The following IL21R variants were observed in gnomAD, a reference collection of about 807,000 sequenced individuals.
IL21R encodes interleukin 21 receptor, also known as interleukin-21 receptor.
In IL21R, 14 loss-of-function variants were observed where a neutral mutation model predicts 41.3. The ratio of observed to expected loss-of-function variants is 0.34; its 90% CI spans 0.22 to 0.53. The LOEUF is 0.53. IL21R is among the 20% of genes least tolerant of loss of function. The pLI, the probability that IL21R is intolerant of heterozygous loss-of-function variation, is 0.94. For synonymous variants in IL21R, 286 were observed against 287.6 expected, an observed-to-expected ratio of 0.99 and a Z score of 0.05; for missense variants, 588 against 681.6, an observed-to-expected ratio of 0.86 and a Z score of 1.53.
intron 1 of IL21R, among the ~76,000 whole-genome samples, chr16:27,427,769 G>A (rs1385435263): frequency 6.6e-6 from 1 of 152,056 alleles, no homozygotes; most frequent in East Asian, 1.9e-4. Context: ...TAGTGAGGGG[G>A]CAGACACAGA....
chr16:27,414,835 A>G (rs1362988690), intron 1 of IL21R, among the ~76,000 whole-genome samples: 2 of 152,240 alleles, frequency 1.3e-5, no homozygotes, highest in South Asian at 2.1e-4. Context: ...TGAAAAAACT[A>G]TGCATAAAGT....
chr16:27,424,812 G>A lies in IL21R; in HGVS notation c.-16-5244G>A, dbSNP rs115674035. 3.8e-3 allele frequency among the ~76,000 whole-genome samples: 583 copies of A among 152,262 alleles called. 5 individuals are homozygous for A. Among genetic ancestry groups the A allele is most frequent in the African/African-American group, 0.012 (509 of 41,562 alleles). On this transcript the variant is annotated intron_variant, in intron 1 of 8. Transcript: ENST00000337929. The stretch of plus-strand genomic sequence containing the variant: ...GACTGGGTAATTTATAAAGAAAAGA[G>A]GTTTAATTGGCTCATGGTTCTGCAG...
At chr16:27,406,159 G>A (rs753201053) in intron 1 of IL21R, among the ~76,000 whole-genome samples, 5 of 152,260 alleles carry the variant, frequency 3.3e-5, no homozygotes, top group African/African-American at 4.8e-5. Flanking sequence ...GGGCCAGGGC[G>A]GGCTGATGGG....
At chr16:27,437,393 G>A (rs2087289456) in intron 3 of IL21R, 95 bp from the exon 4 acceptor site, 5 of 997,412 alleles carry the variant, frequency 5.0e-6, no homozygotes, top group Non-Finnish European at 7.8e-6. Flanking sequence ...CCAGCCCTGA[G>A]AGTCTGGGCT....
intron 1 of IL21R, among the ~76,000 whole-genome samples, chr16:27,419,434 T>C (rs1230015936): frequency 6.6e-6 from 1 of 152,156 alleles, no homozygotes; most frequent in Non-Finnish European, 1.5e-5. Flanking sequence ...CAAGTTAACA[T>C]TTTTTGTTTG....
chr16:27,420,129 A>T (rs765245093), intron 1 of IL21R, among the ~76,000 whole-genome samples: 2 of 152,024 alleles, frequency 1.3e-5, no homozygotes, highest in Non-Finnish European at 2.9e-5. Flanking sequence ...ACCTCAAATG[A>T]TCTGCCTGCC....
chr16:27,404,494 G>A (rs943446112), intron 1 of IL21R, among the ~76,000 whole-genome samples: 1 of 152,176 alleles, frequency 6.6e-6, no homozygotes, highest in African/African-American at 2.4e-5. Context: ...GAAGTTCTGG[G>A]AGGAACCCAC....
In IL21R at chr16:27,435,955, TA is replaced by T. The variant is rs1248625938; in HGVS notation, c.152+1507del. Reference sequence around the variant, plus strand: ...GCCTGGCTAATTTTTGTATTTTAAGTAGAGACAGGGTTTTGTCATGTTAGCC... The same window carrying T: ...GCCTGGCTAATTTTTGTATTTTAAGTGAGACAGGGTTTTGTCATGTTAGCC... On this transcript the variant is annotated intron_variant, in intron 3 of 8. Coordinates refer to ENST00000337929, the MANE Select transcript of IL21R (RefSeq NM_181078.3). 3.3e-5 allele frequency among the ~76,000 whole-genome samples: 5 copies of T among 152,148 alleles called. No individual in the cohort carries two copies. In the East Asian group the frequency reaches 9.6e-4, roughly 29 times the overall value.
In IL21R at chr16:27,450,982, C is replaced by T; in HGVS notation, c.*1699C>T. The T allele has an allele frequency of 4.3e-6, 1 of 231,252 alleles. No individual in the cohort carries two copies. The highest frequency in any genetic ancestry group is 8.5e-6 in the Non-Finnish European group (1 of 118,252). 14.3% of individuals were successfully genotyped at this position (231,252 alleles called of 1,614,324 possible). Reference sequence around the variant, plus strand: ...GGTAGCTGAGAGAATGCATGAGAGTCCTCGGTGCCTGGCAGGAGGCTGGAA... The same window carrying T: ...GGTAGCTGAGAGAATGCATGAGAGTTCTCGGTGCCTGGCAGGAGGCTGGAA... On this transcript the variant is annotated 3_prime_UTR_variant, in exon 9 of 9. Transcript: ENST00000337929.
At chr16:27,421,087 T>A (rs2086992305) in intron 1 of IL21R, among the ~76,000 whole-genome samples, 1 of 152,136 alleles carries the variant, frequency 6.6e-6, no homozygotes, top group African/African-American at 2.4e-5. Flanking sequence ...ATTGAATTGT[T>A]TTGGCACCCT....
At chr16:27,440,248 TAG>T (rs1217071764) in intron 4 of IL21R, among the ~76,000 whole-genome samples, 3,699 of 63,866 alleles carry the variant, frequency 0.058, 84 homozygotes, top group Middle Eastern at 0.094. Context: ...TATATATATA[TAG>T]AGAGAGAGAG....
At position 27,434,442 on chromosome 16, in the gene IL21R, C is replaced by G; in HGVS notation, c.145C>G (p.Leu49Val). The change falls in exon 3 of 9, where the codon CTT becomes GTT. Residue 49 changes from leucine to valine, a missense_variant. Transcript: ENST00000337929. ...GAACCTCCACCCCAGCACGCTCACC[C>G]TTACCTGGTAAGTAGCCGGGCCTCA... ...MWNLHPSTLT[L>V]TWQDQYEELK... 2 of 1,609,848 alleles carry G rather than the reference C, an allele frequency of 1.2e-6. No homozygotes were observed. The highest frequency in any genetic ancestry group is 1.7e-6 in the Non-Finnish European group (2 of 1,176,334).
intron 1 of IL21R, among the ~76,000 whole-genome samples, chr16:27,417,139 TCC>T: frequency 6.6e-6 from 1 of 150,752 alleles, no homozygotes; most frequent in East Asian, 2.0e-4. Flanking sequence ...TTGTTTTCTT[TCC>T]TTTTTCTTTC....
intron 1 of IL21R, among the ~76,000 whole-genome samples, chr16:27,412,189 C>A (rs2086832875): frequency 1.3e-5 from 2 of 152,156 alleles, no homozygotes; most frequent in Admixed American, 6.5e-5. Flanking sequence ...TCTCCTTGAA[C>A]AAACTTCCTT....
chr16:27,449,410 T>C lies in IL21R; in HGVS notation c.*127T>C. On this transcript the variant is annotated 3_prime_UTR_variant, in exon 9 of 9. Transcript: ENST00000337929. ...CCTGGATGGGCCTTTGAGCCTGATGTTTACAGTGTCTGTGTGTGTGTGTGC... is the reference window on the plus strand; with the variant it reads ...CCTGGATGGGCCTTTGAGCCTGATGCTTACAGTGTCTGTGTGTGTGTGTGC... The C allele has an allele frequency of 1.1e-6, 1 of 898,670 alleles. No homozygotes were observed. Among genetic ancestry groups the C allele is most frequent in the Non-Finnish European group, 1.7e-6 (1 of 605,444 alleles). 55.7% of individuals were successfully genotyped at this position (898,670 alleles called of 1,614,324 possible).
At chr16:27,404,197 G>A (rs972754519) in intron 1 of IL21R, among the ~76,000 whole-genome samples, 3 of 152,120 alleles carry the variant, frequency 2.0e-5, no homozygotes, top group Admixed American at 2.0e-4. Flanking sequence ...TGTCCTGCCC[G>A]CTCCTCTGCC....
intron 1 of IL21R, among the ~76,000 whole-genome samples, chr16:27,407,211 G>A (rs755617215): frequency 6.6e-6 from 1 of 152,174 alleles, no homozygotes; most frequent in African/African-American, 2.4e-5. Flanking sequence ...TAGGGATACT[G>A]TGCTGAACAA....
At chr16:27,412,418 TTC>T (rs764694830) in intron 1 of IL21R, among the ~76,000 whole-genome samples, 1,665 of 151,134 alleles carry the variant, frequency 0.011, 24 homozygotes, top group African/African-American at 0.038. Context: ...CTTCTTCTTC[TTC>T]TTTTTTTTTT....
rs1474368548 is a variant in IL21R, at chr16:27,437,584, G to A, written c.249G>A (p.Met83Ile). The change falls in exon 4 of 9, where the codon ATG (methionine) becomes ATA (isoleucine). Residue 83 changes from methionine to isoleucine, a missense_variant. Met to Ile is a conservative substitution (Grantham distance 10). Coordinates refer to ENST00000337929, the MANE Select transcript of IL21R (RefSeq NM_181078.3). ...NATHATYTCH[M>I]DVFHFMADDI... is the part of the protein sequence containing the mutation. The stretch of plus-strand genomic sequence containing the variant: ...CGCATGCCACCTACACCTGCCACAT[G>A]GATGTATTCCACTTCATGGCCGACG... 1.2e-6 allele frequency: 2 copies of A among 1,614,064 alleles called. No homozygotes were observed. The highest frequency in any genetic ancestry group is 1.3e-5 in the African/African-American group (1 of 74,930).
Sources: allele counts gnomAD v4.1 joint callset (sites outside exome capture counted in the v4.1 genomes callset), GRCh38; gene constraint gnomAD v4.1.1; transcripts MANE v1.5; gene names NCBI Gene and HGNC (gene_info 2026-07-23, HGNC 2026-07-21).